The following NTNG2 variants were observed in gnomAD, a reference collection of about 807,000 sequenced individuals.
NTNG2 encodes the protein netrin G2.
In NTNG2, 15 loss-of-function variants were observed where a neutral mutation model predicts 47.6. That is an observed-to-expected ratio of 0.32 (90% confidence interval 0.21 to 0.49). The LOEUF is 0.49. NTNG2 is among the 20% of genes least tolerant of loss of function. NTNG2 has a pLI of 0.99. For synonymous variants in NTNG2, 307 were observed against 324.6 expected (o/e 0.95, Z 0.58); for missense variants, 578 against 764.6 (o/e 0.76, Z 2.88).
At chr9:132,192,224 T>C (rs1194075184) in intron 2 of NTNG2, among the ~76,000 whole-genome samples, 1 of 152,142 alleles carries the variant, frequency 6.6e-6, no homozygotes, top group Non-Finnish European at 1.5e-5. Flanking sequence ...AGATGCTGAC[T>C]GGGGACTGGG....
At position 132,162,995 on chromosome 9, in the gene NTNG2, G is replaced by A. The variant is rs1022569634; in HGVS notation, c.-484+756G>A. Among the ~76,000 whole-genome samples the A allele has an allele frequency of 6.6e-6, 1 of 152,128 alleles. No individual in the cohort carries two copies. Among genetic ancestry groups the A allele is most frequent in the Non-Finnish European group, 1.5e-5 (1 of 68,018 alleles). ...CCGGAGTAAGTTGGCCGTCTGGGCTGGGGGCGGCGGCGGCCGGGTCGCCAC... is the reference window on the plus strand; with the variant it reads ...CCGGAGTAAGTTGGCCGTCTGGGCTAGGGGCGGCGGCGGCCGGGTCGCCAC... On this transcript the variant is annotated intron_variant, in intron 1 of 7. Transcript: ENST00000393229. This position sits in a 1 kb window ranked among gnomAD's most constrained non-coding sequence, Gnocchi z 4.6.
At chr9:132,167,074 C>G in intron 2 of NTNG2, 30 bp downstream of exon 2, 1 of 1,609,842 alleles carries the variant, frequency 6.2e-7, no homozygotes, top group South Asian at 1.1e-5. Flanking sequence ...TTTTGTTTGC[C>G]CAGGCCAAGT....
chr9:132,212,609 G>A (rs553251192), intron 3 of NTNG2, among the ~76,000 whole-genome samples: 2 of 151,710 alleles, frequency 1.3e-5, no homozygotes, highest in East Asian at 1.9e-4. Flanking sequence ...CTGCCCCCAC[G>A]GCTCTGTTGT....
At chr9:132,213,331 CA>C (rs61393543) in intron 3 of NTNG2, among the ~76,000 whole-genome samples, 132 of 104,346 alleles carry the variant, frequency 1.3e-3, no homozygotes, top group Admixed American at 2.1e-3. Flanking sequence ...GACTCCATCT[CA>C]AAAAAAAAAA....
intron 7 of NTNG2, 33 bp from the exon 8 acceptor site, chr9:132,241,843 A>G (rs781625212): frequency 1.9e-5 from 28 of 1,461,996 alleles, no homozygotes; most frequent in Non-Finnish European, 9.2e-6. Context: ...GGACCGGGCC[A>G]CCCCCCGTGC....
intron 3 of NTNG2, 136 bp downstream of exon 3, chr9:132,198,745 G>A: frequency 1.1e-6 from 1 of 889,696 alleles, no homozygotes; most frequent in Admixed American, 2.7e-5. Flanking sequence ...TGGTTCCCTG[G>A]GCGTTACCTG....
intron 1 of NTNG2, among the ~76,000 whole-genome samples, chr9:132,164,669 G>C (rs976071024): frequency 6.6e-6 from 1 of 152,272 alleles, no homozygotes; most frequent in Admixed American, 6.5e-5. Context: ...TTTCTAGCAA[G>C]GAGCGCCTTC....
intron 2 of NTNG2, among the ~76,000 whole-genome samples, chr9:132,174,094 G>T (rs556202565): frequency 7.1e-6 from 1 of 141,026 alleles, no homozygotes; most frequent in South Asian, 2.3e-4. Flanking sequence ...AGATAGGCAG[G>T]CCGCACCATG....
rs1840340685 is a variant in NTNG2 at position 132,221,436 on chromosome 9, C to A, written c.858-5413C>A. 6.6e-6 allele frequency among the ~76,000 whole-genome samples: 1 copy of A among 152,210 alleles called. No homozygotes were observed. The highest frequency in any genetic ancestry group is 6.5e-5 in the Admixed American group (1 of 15,286). ...ACACACACCGACACAGAGGCAGTAC[C>A]ACCCACAGTGACCTGCAAAAGTCAG... On this transcript the variant is annotated intron_variant, in intron 3 of 7. Coordinates refer to ENST00000393229, the MANE Select transcript of NTNG2 (RefSeq NM_032536.4). The surrounding 1 kb of genome is among the most constrained non-coding windows in gnomAD (Gnocchi z 4.2).
chr9:132,209,554 G>A (rs942578857), intron 3 of NTNG2, among the ~76,000 whole-genome samples: 1 of 152,188 alleles, frequency 6.6e-6, no homozygotes, highest in Non-Finnish European at 1.5e-5. Context: ...GCAGGGCAGC[G>A]GCCACCTGTG....
chr9:132,204,132 G>A (rs537998796), intron 3 of NTNG2, among the ~76,000 whole-genome samples: 146 of 152,318 alleles, frequency 9.6e-4, no homozygotes, highest in African/African-American at 3.3e-3. Flanking sequence ...TTCTGCCCAG[G>A]AGCAGGCTGA....
At chr9:132,183,749 T>A (rs961393794) in intron 2 of NTNG2, among the ~76,000 whole-genome samples, 1 of 152,174 alleles carries the variant, frequency 6.6e-6, no homozygotes, top group African/African-American at 2.4e-5. Context: ...AACAGTGTCA[T>A]CGTGTGGGGG....
chr9:132,197,824 T>C lies in NTNG2; in HGVS notation c.214-142T>C. ...AGGAAATGGGCACAAATCTCCCAGCTGTGTCTGGGCACCGGAGCACAGGCC... is the reference window on the plus strand; with the variant it reads ...AGGAAATGGGCACAAATCTCCCAGCCGTGTCTGGGCACCGGAGCACAGGCC... On this transcript the variant is annotated intron_variant, in intron 2 of 7. Coordinates refer to ENST00000393229, the MANE Select transcript of NTNG2 (RefSeq NM_032536.4). This position sits in a 1 kb window ranked among gnomAD's most constrained non-coding sequence, Gnocchi z 4.3. The C allele has an allele frequency of 1.4e-6, 1 of 738,182 alleles. No homozygotes were observed. Among genetic ancestry groups the C allele is most frequent in the South Asian group, 1.9e-5 (1 of 53,416 alleles). 45.7% of individuals were successfully genotyped at this position (738,182 alleles called of 1,614,324 possible). A position where few individuals can be genotyped will look rare whatever the true frequency, so the allele number is the denominator to read the frequency against.
At chr9:132,237,306 C>T (rs1056609401) in intron 5 of NTNG2, among the ~76,000 whole-genome samples, 58 of 152,180 alleles carry the variant, frequency 3.8e-4, no homozygotes, top group Admixed American at 3.7e-3. Flanking sequence ...TCTGAGCAGG[C>T]GACAAGGCTG....
At chr9:132,183,226 G>C (rs988940051) in intron 2 of NTNG2, among the ~76,000 whole-genome samples, 2 of 152,110 alleles carry the variant, frequency 1.3e-5, no homozygotes, top group East Asian at 1.9e-4. Context: ...CTCACACTTT[G>C]TTCCCAGGCT....
intron 3 of NTNG2, among the ~76,000 whole-genome samples, chr9:132,209,872 G>A (rs1401457002): frequency 2.1e-5 from 3 of 143,812 alleles, no homozygotes; most frequent in Non-Finnish European, 3.0e-5. Context: ...CAGCGTTGGC[G>A]TTGGGATGGG....
chr9:132,223,267 G>A (rs1366006576), intron 3 of NTNG2, among the ~76,000 whole-genome samples: 1 of 152,202 alleles, frequency 6.6e-6, no homozygotes, highest in African/African-American at 2.4e-5. Flanking sequence ...CAGGGCTGGT[G>A]GACGCAGGGG....
intron 5 of NTNG2, among the ~76,000 whole-genome samples, chr9:132,230,941 C>A (rs374272806): frequency 3.9e-5 from 6 of 152,178 alleles, no homozygotes; most frequent in African/African-American, 1.4e-4. Context: ...GGGCTCCCTG[C>A]TCCTCCTGCC....
chr9:132,206,603 G>C (rs772409596), intron 3 of NTNG2, among the ~76,000 whole-genome samples: 23 of 152,236 alleles, frequency 1.5e-4, no homozygotes, highest in Non-Finnish European at 3.1e-4. Flanking sequence ...GAAGGCGGAG[G>C]TTGCAGTGAG....
Sources: allele counts gnomAD v4.1 joint callset (sites outside exome capture counted in the v4.1 genomes callset), GRCh38; gene constraint gnomAD v4.1.1; non-coding constraint Gnocchi (gnomAD v3.1); transcripts MANE v1.5; gene names NCBI Gene and HGNC (gene_info 2026-07-23, HGNC 2026-07-21).